The following COL1A2 variants were observed in gnomAD, a reference collection of about 807,000 sequenced individuals.
COL1A2 encodes collagen type I alpha 2 chain.
In COL1A2, 49 loss-of-function variants were observed where a neutral mutation model predicts 174.3. The observed-to-expected ratio is 0.28, with a 90% CI of 0.22 to 0.36. The LOEUF (loss-of-function observed/expected upper bound fraction) is 0.36. COL1A2 is among the 10% of genes least tolerant of loss of function. The probability of loss-of-function intolerance (pLI) is 1.00; values close to 1 mark genes in which losing one functional copy is unlikely to be tolerated. For missense variants in COL1A2, 1,438 were observed against 1,822.7 expected (o/e 0.79, Z 3.84); for synonymous variants, 655 against 606.6 (o/e 1.08, Z -1.17).
At chr7:94,420,791 C>A in intron 37 of COL1A2, 143 bp downstream of exon 37, 1 of 926,636 alleles carries the variant, frequency 1.1e-6, no homozygotes, top group Non-Finnish European at 1.7e-6. Flanking sequence ...CATTTGCACA[C>A]TGCTTTACAA....
rs930277720 is a variant in COL1A2 at position 94,427,214 on chromosome 7, T to G, written c.3186T>G (p.Ala1062=). 1.2e-5 allele frequency: 19 copies of G among 1,613,928 alleles called. No individual in the cohort carries two copies. The Admixed American group carries it at 2.0e-4, about 17-fold the overall frequency. ...PRGPAGPSGP[A]GKDGRTGHPG... is the part of the protein sequence containing the mutation. ...GCCCTGCTGGTCCTTCTGGCCCTGC[T>G]GGAAAAGATGGTCGCACTGGACATC... Residue 1062 remains alanine (A), a synonymous_variant, in exon 48 of 52, where the codon GCT becomes GCG. Transcript: ENST00000297268.
At chr7:94,420,164 C>T (rs1792126713) in intron 34 of COL1A2, 69 bp from the exon 35 acceptor site, 2 of 1,599,712 alleles carry the variant, frequency 1.3e-6, no homozygotes, top group East Asian at 2.2e-5. Context: ...CCACTGTTCT[C>T]TCTCCCTCCC....
At chr7:94,412,477 C>T (rs1791948852) in intron 24 of COL1A2, 107 bp from the exon 25 acceptor site, 2 of 844,696 alleles carry the variant, frequency 2.4e-6, no homozygotes, top group East Asian at 2.6e-5. Context: ...ATACAAGAAG[C>T]TCTATGCATT....
At chr7:94,396,213 T>C (rs550823901) in intron 1 of COL1A2, among the ~76,000 whole-genome samples, 1 of 152,170 alleles carries the variant, frequency 6.6e-6, no homozygotes, top group South Asian at 2.1e-4. Context: ...ATTGACTAGA[T>C]GGGGGATGGT....
chr7:94,408,360 G>T lies in COL1A2; in HGVS notation c.718G>T (p.Val240Leu), dbSNP rs775599249. The T allele has an allele frequency of 5.0e-6, 8 of 1,614,036 alleles. No individual in the cohort carries two copies. In the African/African-American group the frequency reaches 9.3e-5, roughly 19 times the overall value. The stretch of plus-strand genomic sequence containing the variant: ...GGGTGCCCGTGGCAGTGATGGAAGT[G>T]TGGGTCCCGTGGGTCCTGCTGTAAG... ...PAGARGSDGS[V>L]GPVGPAGPIG... Residue 240 changes from valine to leucine, a missense_variant, in exon 15 of 52, where the codon GTG becomes TTG. Physicochemically the swap from Val to Leu is conservative, Grantham distance 32. Transcript: ENST00000297268.
rs762471505 is a variant in COL1A2, at chr7:94,427,170, G to C, written c.3160-18G>C. The C allele has an allele frequency of 6.2e-7, 1 of 1,612,934 alleles. No individual in the cohort carries two copies. Among genetic ancestry groups the C allele is most frequent in the Non-Finnish European group, 8.5e-7 (1 of 1,179,068 alleles). ...GGGATTCACCAGCTCACATGTACCT[G>C]GTGTCTGTCTTCCTTAGGGCCCTGC... On this transcript the variant is annotated intron_variant, in intron 47 of 51. Coordinates refer to ENST00000297268, the MANE Select transcript of COL1A2 (RefSeq NM_000089.4).
intron 23 of COL1A2, among the ~76,000 whole-genome samples, chr7:94,411,416 T>C (rs1057352226): frequency 2.0e-5 from 3 of 152,234 alleles, no homozygotes; most frequent in African/African-American, 7.2e-5. Flanking sequence ...CCAAATTAGA[T>C]TGGTCCTCCT....
At position 94,410,855 on chromosome 7, in the gene COL1A2, T is replaced by C; in HGVS notation, c.1198-34T>C. ...TACCTTATCAAAGCCAAGAGATTTC[T>C]TTAATTCTCTCTATTTCATGTACTT... is the stretch of plus-strand genomic sequence containing the variant. On this transcript the variant is annotated intron_variant, in intron 21 of 51. Transcript: ENST00000297268. 2.5e-6 allele frequency: 4 copies of C among 1,601,658 alleles called. No individual in the cohort carries two copies. The Middle Eastern group carries it at 6.6e-4, about 265-fold the overall frequency.
intron 41 of COL1A2, 127 bp from the exon 42 acceptor site, chr7:94,424,990 G>A: frequency 1.3e-6 from 1 of 781,224 alleles, no homozygotes; most frequent in Non-Finnish European, 2.2e-6. Flanking sequence ...ACCATTGTGT[G>A]ACCCATTCAC....
intron 25 of COL1A2, 84 bp downstream of exon 25, chr7:94,412,766 A>C: frequency 8.4e-7 from 1 of 1,187,580 alleles, no homozygotes; most frequent in Non-Finnish European, 1.2e-6. Flanking sequence ...CCTGCGAATC[A>C]GTCCAGTCTC....
intron 40 of COL1A2, 182 bp from the exon 41 acceptor site, chr7:94,424,154 T>A: frequency 1.7e-6 from 1 of 588,860 alleles, no homozygotes; most frequent in South Asian, 2.0e-5. Flanking sequence ...ACAAAAGTAT[T>A]CATGCCAAGA....
intron 16 of COL1A2, 76 bp downstream of exon 16, chr7:94,408,899 C>G: frequency 7.4e-7 from 1 of 1,347,012 alleles, no homozygotes; most frequent in Non-Finnish European, 1.1e-6. Context: ...ACTGTGTTTG[C>G]AGATAAAGAG....
At chr7:94,421,844 C>T (rs751173647) in intron 38 of COL1A2, 55 bp from the exon 39 acceptor site, 7 of 1,552,552 alleles carry the variant, frequency 4.5e-6, no homozygotes, top group Non-Finnish European at 6.2e-6. Context: ...TCCCATCTTA[C>T]CCAAATTCTT....
chr7:94,409,873 T>A (rs1336353955), intron 19 of COL1A2, 52 bp downstream of exon 19: 1 of 1,517,872 alleles, frequency 6.6e-7, no homozygotes, highest in East Asian at 2.2e-5. Flanking sequence ...ACCTCTGCCA[T>A]CATTTCATCA....
At chr7:94,425,258 G>A (rs560949372) in intron 42 of COL1A2, 34 bp downstream of exon 42, 19 of 1,576,276 alleles carry the variant, frequency 1.2e-5, no homozygotes, top group South Asian at 1.1e-4. Flanking sequence ...AAATAAAACT[G>A]AGCAGGATTT....
chr7:94,410,373 A>G (rs897382828), intron 20 of COL1A2, 47 bp from the exon 21 acceptor site: 1 of 1,580,758 alleles, frequency 6.3e-7, no homozygotes, highest in African/African-American at 1.4e-5. Context: ...ACATAGTATT[A>G]AAATTATTTT....
intron 30 of COL1A2, 142 bp downstream of exon 30, chr7:94,415,412 A>C: frequency 4.0e-6 from 3 of 746,492 alleles, no homozygotes; most frequent in Non-Finnish European, 7.0e-6. Flanking sequence ...AGAAAGCATT[A>C]GATTTCTAAG....
intron 15 of COL1A2, 48 bp downstream of exon 15, chr7:94,408,428 G>A: frequency 1.3e-6 from 2 of 1,585,030 alleles, no homozygotes; most frequent in Non-Finnish European, 1.7e-6. Context: ...AATGTGGGGT[G>A]GGTGCTGTCT....
intron 12 of COL1A2, 38 bp downstream of exon 12, chr7:94,406,341 G>T: frequency 6.3e-7 from 1 of 1,597,570 alleles, no homozygotes; most frequent in South Asian, 1.1e-5. Flanking sequence ...TTAAGCACTT[G>T]ATTGAAATTC....
Sources: gnomAD v4.1 joint callset for allele counts (sites outside exome capture counted in the v4.1 genomes callset) on GRCh38, gnomAD v4.1.1 for gene constraint, MANE v1.5 for transcripts, NCBI Gene and HGNC (gene_info 2026-07-23, HGNC 2026-07-21) for gene names.